Variants in SLC4A9 observed in about 807,000 individuals in gnomAD.
SLC4A9 encodes the protein solute carrier family 4 member 9, also known as anion exchange protein 4.
A neutral mutation model predicts 103.2 loss-of-function variants in SLC4A9; 102 were observed. That is an observed-to-expected ratio of 0.99 (90% CI 0.84 to 1.17). The LOEUF is 1.17. SLC4A9 is among the 50% of genes most tolerant of loss of function. SLC4A9 has a pLI of 0.00. For missense variants in SLC4A9, 1,091 were observed against 1,193.7 expected, an observed-to-expected ratio of 0.91 and a Z score of 1.27; for synonymous variants, 453 against 483.6, an observed-to-expected ratio of 0.94 and a Z score of 0.83.
intron 11 of SLC4A9, 22 bp downstream of exon 11, chr5:140,364,647 C>A: frequency 6.3e-7 from 1 of 1,592,572 alleles, no homozygotes; most frequent in East Asian, 2.3e-5. Context: ...AAACAGGGAC[C>A]TTGGTCAGGT....
At chr5:140,365,655 A>C (rs759701814) in intron 12 of SLC4A9, 77 bp downstream of exon 12, 271 of 1,516,120 alleles carry the variant, frequency 1.8e-4, no homozygotes, top group Non-Finnish European at 2.2e-4. Context: ...AGCTCTTCCT[A>C]CCCATAGGTT....
At chr5:140,362,229 A>G (rs1767195420) in intron 5 of SLC4A9, 55 bp downstream of exon 5, 1 of 1,460,696 alleles carries the variant, frequency 6.8e-7, no homozygotes, top group Non-Finnish European at 9.1e-7. Flanking sequence ...AAGGGTCTTT[A>G]CTGAGGAGGG....
Position 140,363,505 on chromosome 5 carries a change from G to A in SLC4A9, c.1029G>A (p.Arg343=). 2 of 1,551,582 alleles carry A rather than the reference G, an allele frequency of 1.3e-6. No individual in the cohort carries two copies. The highest frequency in any genetic ancestry group is 1.7e-6 in the Non-Finnish European group (2 of 1,147,314). The change falls in exon 8 of 22, where the codon AGG becomes AGA. Residue 343 remains arginine, a synonymous_variant. Transcript: ENST00000506757. This position sits in a 1 kb window ranked among gnomAD's most constrained non-coding sequence, Gnocchi z 4.5. ...AVPRLTSAED[R]HRHGPHAHSP... is the part of the protein sequence containing the mutation. ...CGCGCCTGACCTCGGCTGAGGACAG[G>A]CACCGCCATGGGCCACACGCACACA...
intron 21 of SLC4A9, among the ~76,000 whole-genome samples, chr5:140,374,000 C>G (rs1454836152): frequency 1.3e-5 from 2 of 151,470 alleles, no homozygotes; most frequent in Non-Finnish European, 2.9e-5. Flanking sequence ...TTGAGACCAG[C>G]CTGGCCAACA....
At chr5:140,365,709 G>A in intron 12 of SLC4A9, 125 bp from the exon 13 acceptor site, 2 of 1,416,872 alleles carry the variant, frequency 1.4e-6, no homozygotes, top group South Asian at 1.3e-5. Context: ...ATTTCCTACA[G>A]CTGGGAACTT....
intron 21 of SLC4A9, among the ~76,000 whole-genome samples, chr5:140,373,253 C>A (rs1033334867): frequency 6.6e-6 from 1 of 152,218 alleles, no homozygotes; most frequent in Non-Finnish European, 1.5e-5. Flanking sequence ...TGGAGGAAAT[C>A]TCTATCACTT....
In SLC4A9 at chr5:140,363,290, C is replaced by CT. The variant is rs1767376936; in HGVS notation, c.963-148dup. On this transcript the variant is annotated intron_variant, in intron 7 of 21. Transcript: ENST00000506757. The surrounding 1 kb of genome is among the most constrained non-coding windows in gnomAD (Gnocchi z 4.5). Reference sequence around the variant, plus strand: ...TGGCTTTCACAGGTCGCAATATGACCTGGACCTTCTAGAGGCCCAGGTGTC... The same window carrying CT: ...TGGCTTTCACAGGTCGCAATATGACCTTGGACCTTCTAGAGGCCCAGGTGTC... 5 of 913,038 alleles carry CT rather than the reference C, an allele frequency of 5.5e-6. No individual in the cohort carries two copies. The highest frequency in any genetic ancestry group is 1.7e-5 in the African/African-American group (1 of 59,368). 56.6% of individuals were successfully genotyped at this position (913,038 alleles called of 1,614,324 possible).
chr5:140,368,672 T>A lies in SLC4A9; in HGVS notation c.2427+13T>A, dbSNP rs748138436. Reference sequence around the variant, plus strand: ...ACCTGTGCTCAAGGTACCTTTGTTATACAAGCCAGGATCAGGGTCAGTGTA... The same window carrying A: ...ACCTGTGCTCAAGGTACCTTTGTTAAACAAGCCAGGATCAGGGTCAGTGTA... On this transcript the variant is annotated intron_variant, in intron 17 of 21. Transcript: ENST00000506757. The A allele has an allele frequency of 6.2e-7, 1 of 1,610,936 alleles. No homozygotes were observed. Among genetic ancestry groups the A allele is most frequent in the Non-Finnish European group, 8.5e-7 (1 of 1,177,730 alleles).
intron 3 of SLC4A9, 128 bp downstream of exon 3, chr5:140,361,495 G>A (rs2126740425): frequency 2.7e-6 from 2 of 738,772 alleles, no homozygotes; most frequent in Admixed American, 2.9e-5. Flanking sequence ...TCATGAGCAA[G>A]AGGAAACTGG....
At chr5:140,371,693 A>G in intron 19 of SLC4A9, 69 bp downstream of exon 19, 3 of 1,552,780 alleles carry the variant, frequency 1.9e-6, no homozygotes, top group Non-Finnish European at 2.6e-6. Context: ...AAGGGTGGCC[A>G]AGGCCTCCAC....
Position 140,360,451 on chromosome 5 carries a change from G to A in SLC4A9, c.215G>A (p.Trp72Ter), listed in dbSNP as rs377492093. Residue 72 changes from tryptophan (W) to a stop codon, truncating the protein, a stop_gained, in exon 1 of 22, where the codon TGG becomes TAG. Coordinates refer to ENST00000506757, the MANE Select transcript of SLC4A9 (RefSeq NM_031467.3). LOFTEE classifies it high-confidence loss of function. ...CTGGGCTGGCCCCAGGCGCTGGAGT[G>A]GAGAGAGACAGGCAGGTAAGTTGGA... Reference protein sequence around the residue: ...ELLGWPQALEWRETGRWVLFE... With the variant: ...ELLGWPQALE 2 of 1,580,322 alleles carry A rather than the reference G, an allele frequency of 1.3e-6. No individual in the cohort carries two copies. The highest frequency in any genetic ancestry group is 2.3e-5 in the South Asian group (2 of 86,268).
rs780372766 is a variant in SLC4A9, at chr5:140,362,997, T to C, written c.893T>C (p.Leu298Pro). Residue 298 changes from leucine to proline, a missense_variant, in exon 7 of 22, where the codon CTT (leucine) becomes CCT (proline). Transcript: ENST00000506757. The stretch of plus-strand genomic sequence containing the variant: ...GCATTCCTAGAGGAGGTGACAGTGC[T>C]TCCCCCAGGTCGGTGGGACCCAACA... Reference protein sequence around the residue: ...LDAFLEEVTVLPPGRWDPTAR... With the variant: ...LDAFLEEVTVPPPGRWDPTAR... The C allele has an allele frequency of 6.2e-7, 1 of 1,612,524 alleles. No homozygotes were observed. Among genetic ancestry groups the C allele is most frequent in the South Asian group, 1.1e-5 (1 of 90,900 alleles).
At chr5:140,365,652 C>T in intron 12 of SLC4A9, 74 bp downstream of exon 12, 1 of 1,526,120 alleles carries the variant, frequency 6.6e-7, no homozygotes, top group Non-Finnish European at 9.0e-7. Flanking sequence ...TCTAGCTCTT[C>T]CTACCCATAG....
In SLC4A9 at chr5:140,361,967, C is replaced by T. The variant is rs560257872; in HGVS notation, c.562-50C>T. 2.0e-4 allele frequency: 322 copies of T among 1,612,976 alleles called. 1 individual carries two copies. The East Asian group carries it at 6.4e-3, about 32-fold the overall frequency. Reference sequence around the variant, plus strand: ...GATTTCTCATCATTTGAGATCTTATCCTCCCCAAATAACCTTTCATATTCT... The same window carrying T: ...GATTTCTCATCATTTGAGATCTTATTCTCCCCAAATAACCTTTCATATTCT... On this transcript the variant is annotated intron_variant, in intron 4 of 21. Coordinates refer to ENST00000506757, the MANE Select transcript of SLC4A9 (RefSeq NM_031467.3).
chr5:140,363,766 T>TCCCG lies in SLC4A9; in HGVS notation c.1119_1122dup (p.Trp375ProfsTer29). The TCCCG allele has an allele frequency of 6.2e-7, 1 of 1,613,798 alleles. No individual in the cohort carries two copies. The highest frequency in any genetic ancestry group is 8.5e-7 in the Non-Finnish European group (1 of 1,179,814). ...CTTATCCAGGACGTGCGCAGGAAGG[T>TCCCG]CCCGTGGTACCCCAGCGATTTCTTG... On this transcript the variant is annotated frameshift_variant, in exon 9 of 22. Transcript: ENST00000506757. LOFTEE classifies it high-confidence loss of function. This position sits in a 1 kb window ranked among gnomAD's most constrained non-coding sequence, Gnocchi z 4.5.
intron 6 of SLC4A9, 145 bp from the exon 7 acceptor site, chr5:140,362,767 A>G: frequency 8.9e-7 from 1 of 1,122,116 alleles, no homozygotes; most frequent in Non-Finnish European, 1.3e-6. Flanking sequence ...ATACCCACTG[A>G]ATGAATGAAT....
At chr5:140,369,493 C>T (rs572082691) in intron 17 of SLC4A9, among the ~76,000 whole-genome samples, 1 of 151,356 alleles carries the variant, frequency 6.6e-6, no homozygotes, top group East Asian at 2.0e-4. Context: ...AATTAAGTAA[C>T]AAGTAATAGC....
intron 2 of SLC4A9, 97 bp downstream of exon 2, chr5:140,361,069 AC>A: frequency 7.7e-7 from 1 of 1,301,270 alleles, no homozygotes; most frequent in Non-Finnish European, 1.0e-6. Context: ...GCCCATCCCT[AC>A]CCCTCCTAGG....
At chr5:140,361,884 G>A in intron 4 of SLC4A9, 21 bp downstream of exon 4, 1 of 1,613,128 alleles carries the variant, frequency 6.2e-7, no homozygotes, top group Non-Finnish European at 8.5e-7. Context: ...CTTCCTTGGG[G>A]TCCCTTTCCA....
Sources: gnomAD v4.1 joint callset for allele counts (sites outside exome capture counted in the v4.1 genomes callset) on GRCh38, gnomAD v4.1.1 for gene constraint, Gnocchi (gnomAD v3.1) non-coding constraint, MANE v1.5 for transcripts, NCBI Gene and HGNC (gene_info 2026-07-23, HGNC 2026-07-21) for gene names.